ALG3: variants seen among roughly 807,000 people sequenced by gnomAD.
ALG3 encodes ALG3 alpha-1,3- mannosyltransferase.
Under a neutral mutation model 50.5 loss-of-function variants are expected in ALG3, and 39 were observed. The observed-to-expected ratio is 0.77, with a 90% CI of 0.60 to 1.01. The LOEUF is 1.01. Ranked by LOEUF, ALG3 falls within the 50% of genes least tolerant of loss-of-function variation. The probability of loss-of-function intolerance (pLI) is 0.00; values close to 1 mark genes in which losing one functional copy is unlikely to be tolerated. For missense variants in ALG3, 520 were observed against 554.8 expected (o/e 0.94, Z 0.63); for synonymous variants, 252 against 237.2 (o/e 1.06, Z -0.58).
intron 3 of ALG3, 34 bp downstream of exon 3, chr3:184,245,434 C>T (rs12639447): frequency 6.2e-7 from 1 of 1,613,254 alleles, no homozygotes; most frequent in Non-Finnish European, 8.5e-7. Flanking sequence ...CCCTCCCAGG[C>T]TGGGGCCCTC....
Position 184,245,710 on chromosome 3 carries a change from C to A in ALG3, c.296+3G>T, listed in dbSNP as rs1489128044. On this transcript the variant is annotated splice_donor_region_variant and intron_variant, in intron 2 of 8. Coordinates refer to ENST00000397676, the MANE Select transcript of ALG3 (RefSeq NM_005787.6). ...CCTCCCTGAACTTCCTGTCCCCACT[C>A]ACACAAGTGGTCCGGTGTCACCCTG... 3 of 1,612,090 alleles carry A rather than the reference C, an allele frequency of 1.9e-6. No individual in the cohort carries two copies. The South Asian group carries it at 3.3e-5, about 18-fold the overall frequency.
chr3:184,245,673 A>G, intron 2 of ALG3, 40 bp downstream of exon 2: 1 of 1,610,074 alleles, frequency 6.2e-7, no homozygotes, highest in Non-Finnish European at 8.5e-7. Context: ...GTACCTAACC[A>G]GCCCCTCACA....
chr3:184,249,502 G>A (rs1719407364), upstream of ALG3: 6 of 763,054 alleles, frequency 7.9e-6, no homozygotes, highest in Non-Finnish European at 1.2e-5. Context: ...ACAGCCGGAG[G>A]ATTCAGGGTC....
upstream of ALG3, chr3:184,248,996 C>T: frequency 6.5e-7 from 1 of 1,543,228 alleles, no homozygotes; most frequent in Non-Finnish European, 8.7e-7. Flanking sequence ...GAACCTTCGA[C>T]ACTTAGGTTC....
intron 1 of ALG3, among the ~76,000 whole-genome samples, 183 bp downstream of exon 1, chr3:184,248,562 G>A (rs900369137): frequency 6.6e-6 from 1 of 152,198 alleles, no homozygotes; most frequent in Non-Finnish European, 1.5e-5. Context: ...TCTGCCATGC[G>A]GGCAGATTAA....
chr3:184,247,544 C>T (rs1400778317), intron 1 of ALG3, among the ~76,000 whole-genome samples: 6 of 152,242 alleles, frequency 3.9e-5, no homozygotes, highest in South Asian at 4.1e-4. Context: ...GAGATCCACC[C>T]GCCTAGGCCT....
At chr3:184,245,397 C>T (rs1719078715) in intron 3 of ALG3, 39 bp from the exon 4 acceptor site, 2 of 1,613,322 alleles carry the variant, frequency 1.2e-6, no homozygotes, top group Non-Finnish European at 1.7e-6. Context: ...GTCAGCTCAG[C>T]AAGCCTGAGC....
At chr3:184,244,262 A>C (rs1025186111) in intron 5 of ALG3, 2 of 539,172 alleles carry the variant, frequency 3.7e-6, no homozygotes, top group South Asian at 2.6e-5. Context: ...GGCTCTCAGA[A>C]GCCAGGCAGG....
Position 184,245,222 on chromosome 3 carries a change from C to G in ALG3, c.581G>C (p.Trp194Ser), listed in dbSNP as rs1230393795. 6.2e-7 allele frequency: 1 copy of G among 1,613,920 alleles called. No homozygotes were observed. The highest frequency in any genetic ancestry group is 2.2e-5 in the East Asian group (1 of 44,870). ...CCTGAAAAAGCAGCAACCCCAGCCC[C>G]AGCGCTGGGCCAGCAGGAGGTTGAT... ...LSINLLLAQR[W>S]GWGCCFFSLA... The change falls in exon 4 of 9, where the codon TGG becomes TCG. Residue 194 changes from tryptophan to serine, a missense_variant. Trp to Ser is a radical substitution (Grantham distance 177). Around this residue, in one of 3 missense-constraint regions of ALG3, gnomAD observed 290 missense variants for 265.9 expected, o/e 1.09. Transcript: ENST00000397676.
chr3:184,249,347 T>C, upstream of ALG3: 3 of 1,472,112 alleles, frequency 2.0e-6, no homozygotes, highest in Non-Finnish European at 2.8e-6. Flanking sequence ...CCTTCGAGCC[T>C]TCCGGATGCT....
At chr3:184,246,976 C>T (rs1357258140) in intron 1 of ALG3, among the ~76,000 whole-genome samples, 1 of 152,218 alleles carries the variant, frequency 6.6e-6, no homozygotes, top group Non-Finnish European at 1.5e-5. Context: ...GCGATCTCAG[C>T]TCACTGCAAC....
At position 184,245,584 on chromosome 3, in the gene ALG3, C is replaced by A. The variant is rs1438295541; in HGVS notation, c.328G>T (p.Gly110Trp). 9 of 1,613,434 alleles carry A rather than the reference C, an allele frequency of 5.6e-6. No homozygotes were observed. The highest frequency in any genetic ancestry group is 1.3e-5 in the African/African-American group (1 of 74,902). The stretch of plus-strand genomic sequence containing the variant: ...CCTCGGCTGGTGGCATAGTACAACC[C>A]CATAAAGATGTACACGAAACCAGCT... ...YPAGFVYIFMGLYYATSRGTD... is the reference protein window; with the variant it reads ...YPAGFVYIFMWLYYATSRGTD... The change falls in exon 3 of 9, where the codon GGG (glycine) becomes TGG (tryptophan). Residue 110 changes from glycine to tryptophan, a missense_variant. Gly to Trp is a radical substitution (Grantham distance 184, BLOSUM62 -2). Around this residue, in one of 3 missense-constraint regions of ALG3, gnomAD observed 290 missense variants for 265.9 expected, o/e 1.09. Coordinates refer to ENST00000397676, the MANE Select transcript of ALG3 (RefSeq NM_005787.6).
At chr3:184,249,152 C>A (rs1719384269), upstream of ALG3, 3 of 1,555,586 alleles carry the variant, frequency 1.9e-6, no homozygotes, top group Admixed American at 5.6e-5. Flanking sequence ...TCTTACTCCT[C>A]AGTTTATACC....
At chr3:184,244,205 G>A in intron 5 of ALG3, 1 of 590,734 alleles carries the variant, frequency 1.7e-6, no homozygotes, top group Non-Finnish European at 3.0e-6. Context: ...TCATAACAAT[G>A]CTTTAAGGTG....
intron 1 of ALG3, among the ~76,000 whole-genome samples, chr3:184,247,728 C>A (rs1268884052): frequency 1.3e-5 from 2 of 152,214 alleles, no homozygotes; most frequent in African/African-American, 4.8e-5. Flanking sequence ...ACTCCTCCAA[C>A]CTGGTTTAAG....
In ALG3 at chr3:184,243,813, A is replaced by T; in HGVS notation, c.910T>A (p.Phe304Ile). The change falls in exon 6 of 9, where the codon TTT (phenylalanine) becomes ATT (isoleucine). Residue 304 changes from phenylalanine (F) to isoleucine (I), a missense_variant. Phe to Ile is a conservative substitution (Grantham distance 21). Around this residue, in one of 3 missense-constraint regions of ALG3, gnomAD observed 224 missense variants for 272.8 expected, o/e 0.82. Coordinates refer to ENST00000397676, the MANE Select transcript of ALG3 (RefSeq NM_005787.6). ...LTAHLTLLLL[F>I]ALCRWHRTGE... ...CACCTGTGCCACCTGCAGAGGGCAA[A>T]CAGCAGGAGCAGGGTGAGGTGGGCA... 1 of 1,613,882 alleles carries T rather than the reference A, an allele frequency of 6.2e-7. No homozygotes were observed. The highest frequency in any genetic ancestry group is 8.5e-7 in the Non-Finnish European group (1 of 1,179,842).
chr3:184,244,779 AC>A, intron 4 of ALG3, 58 bp from the exon 5 acceptor site: 2 of 1,566,968 alleles, frequency 1.3e-6, no homozygotes, highest in Admixed American at 3.7e-5. Flanking sequence ...TGCACACAAC[AC>A]CCAAAGACAT....
In ALG3 at chr3:184,242,855, A is replaced by G; in HGVS notation, c.1112T>C (p.Leu371Pro). 4 of 1,613,808 alleles carry G rather than the reference A, an allele frequency of 2.5e-6. No individual in the cohort carries two copies. Among genetic ancestry groups the G allele is most frequent in the Non-Finnish European group, 3.4e-6 (4 of 1,179,872 alleles). ...YVWYFHTLPY[L>P]LWAMPARWLT... The stretch of plus-strand genomic sequence containing the variant: ...CCAGCGTGCAGGCATGGCCCACAGG[A>G]GGTAGGGCAGTGTGTGGAAATACCA... Residue 371 changes from leucine to proline, a missense_variant, in exon 8 of 9, where the codon CTC becomes CCC. By Grantham distance (98) the Leu-to-Pro change is moderately conservative. This residue lies in a region of ALG3 where 224 missense variants were observed against 272.8 expected (regional missense o/e 0.82). Coordinates refer to ENST00000397676, the MANE Select transcript of ALG3 (RefSeq NM_005787.6).
In ALG3 at chr3:184,245,480, G is replaced by A. The variant is rs770718666; in HGVS notation, c.432C>T (p.His144=). The change falls in exon 3 of 9, where the codon CAC becomes CAT. Residue 144 remains histidine, a synonymous_variant. Transcript: ENST00000397676. ...ATLLLVFLIY[H]QTCKVPPFVF... is the part of the protein sequence containing the mutation. ...AGCATGGACTCACCTTGCAGGTCTG[G>A]TGATAGATCAAGAAGACAAGCAGCA... 21 of 1,614,004 alleles carry A rather than the reference G, an allele frequency of 1.3e-5. No individual in the cohort carries two copies. The highest frequency in any genetic ancestry group is 1.8e-5 in the Non-Finnish European group (21 of 1,179,878).
Sources: gnomAD v4.1 joint callset for allele counts (sites outside exome capture counted in the v4.1 genomes callset) on GRCh38, gnomAD v4.1.1 for gene constraint, gnomAD v4.1.1 regional missense constraint, MANE v1.5 for transcripts, NCBI Gene and HGNC (gene_info 2026-07-23, HGNC 2026-07-21) for gene names.